The following VWA3B variants were observed in gnomAD, a reference collection of about 807,000 sequenced individuals.
VWA3B encodes von Willebrand factor A domain containing 3B, also known as von Willebrand factor A domain-containing protein 3B.
In VWA3B, 138 loss-of-function variants were observed where a neutral mutation model predicts 158.3. The observed-to-expected ratio is 0.87, with a 90% confidence interval of 0.76 to 1.00. The LOEUF is 1.00. VWA3B is among the 50% of genes least tolerant of loss of function. VWA3B has a pLI of 0.00. For synonymous variants in VWA3B, 596 were observed against 587.3 expected, an observed-to-expected ratio of 1.01 and a Z score of -0.21; for missense variants, 1,555 against 1,565.1, an observed-to-expected ratio of 0.99 and a Z score of 0.11.
At chr2:98,241,863 T>G (rs1383743342) in intron 19 of VWA3B, among the ~76,000 whole-genome samples, 1 of 152,160 alleles carries the variant, frequency 6.6e-6, no homozygotes, top group Non-Finnish European at 1.5e-5. Flanking sequence ...AGGCATATAC[T>G]GCAGTGATCT....
intron 26 of VWA3B, among the ~76,000 whole-genome samples, chr2:98,305,087 C>T (rs528795980): frequency 2.6e-5 from 4 of 152,234 alleles, no homozygotes; most frequent in East Asian, 1.9e-4. Context: ...GCTCCAGAGT[C>T]GCTTTGGACG....
chr2:98,310,744 G>T (rs890353875), intron 26 of VWA3B, among the ~76,000 whole-genome samples: 2 of 152,148 alleles, frequency 1.3e-5, no homozygotes, highest in African/African-American at 4.8e-5. Flanking sequence ...CCACACAAGC[G>T]CTGGCCTCAG....
In VWA3B at chr2:98,249,808, A is replaced by AAAAC. The variant is rs1308219971; in HGVS notation, c.2674-494_2674-491dup. Among the ~76,000 whole-genome samples, 8 of 152,314 alleles carry AAAAC rather than the reference A, an allele frequency of 5.3e-5. 1 individual carries two copies. The highest frequency in any genetic ancestry group is 4.1e-4 in the South Asian group (2 of 4,832). ...GCTACAAGAGTAAAACTCCATCTCAAAAACAAACAAACAAACAAAAAAAGG... is the reference window on the plus strand; with the variant it reads ...GCTACAAGAGTAAAACTCCATCTCAAAAACAAACAAACAAACAAACAAAAAAAGG... On this transcript the variant is annotated intron_variant, in intron 19 of 27. Coordinates refer to ENST00000477737, the MANE Select transcript of VWA3B (RefSeq NM_144992.5).
intron 22 of VWA3B, among the ~76,000 whole-genome samples, chr2:98,284,388 G>A (rs1310081006): frequency 1.3e-5 from 2 of 152,136 alleles, no homozygotes; most frequent in Admixed American, 1.3e-4. Flanking sequence ...AGTCATATCA[G>A]GGCACCATGG....
At chr2:98,143,806 A>C (rs189707602) in intron 7 of VWA3B, among the ~76,000 whole-genome samples, 1 of 144,214 alleles carries the variant, frequency 6.9e-6, no homozygotes, top group East Asian at 2.0e-4. Flanking sequence ...ACTGGAGTGC[A>C]GTGGCACCAT....
At chr2:98,135,325 C>CTTTTTT (rs397873615) in intron 7 of VWA3B, among the ~76,000 whole-genome samples, 5 of 96,420 alleles carry the variant, frequency 5.2e-5, no homozygotes, top group African/African-American at 1.7e-4. Context: ...AAACATTTTT[C>CTTTTTT]TTTTTTTTTT....
At chr2:98,303,270 G>A (rs1403445793) in intron 25 of VWA3B, among the ~76,000 whole-genome samples, 1 of 151,948 alleles carries the variant, frequency 6.6e-6, no homozygotes, top group Non-Finnish European at 1.5e-5. Context: ...GGCGGGGGGT[G>A]GAGGTGGGTG....
At chr2:98,254,621 T>C (rs1686996862) in intron 20 of VWA3B, among the ~76,000 whole-genome samples, 1 of 152,204 alleles carries the variant, frequency 6.6e-6, no homozygotes, top group Non-Finnish European at 1.5e-5. Flanking sequence ...AGAGCACATT[T>C]ACCTGGATCA....
chr2:98,312,055 A>G (rs766337104), intron 27 of VWA3B, 23 bp downstream of exon 27: 3 of 1,591,936 alleles, frequency 1.9e-6, no homozygotes, highest in Non-Finnish European at 2.6e-6. Flanking sequence ...GGGGGGGAAC[A>G]CAACATCGCT....
chr2:98,241,035 G>A (rs1234149164), intron 19 of VWA3B, among the ~76,000 whole-genome samples: 3 of 152,152 alleles, frequency 2.0e-5, no homozygotes, highest in Admixed American at 6.5e-5. Context: ...CAATGAAAAT[G>A]AGAGAAGTTC....
intron 8 of VWA3B, among the ~76,000 whole-genome samples, chr2:98,168,236 T>A (rs1679262966): frequency 6.6e-6 from 1 of 152,202 alleles, no homozygotes; most frequent in African/African-American, 2.4e-5. Context: ...ATACGAGGCA[T>A]ATTTAAGTTT....
chr2:98,126,528 G>A (rs1382671606), intron 5 of VWA3B, among the ~76,000 whole-genome samples: 4 of 152,182 alleles, frequency 2.6e-5, no homozygotes, highest in South Asian at 2.1e-4. Context: ...AGTGGAAGCC[G>A]TTTAAATGTG....
chr2:98,318,365 A>G, the VWA3B span, among the ~76,000 whole-genome samples: 1 of 152,252 alleles, frequency 6.6e-6, no homozygotes, highest in Admixed American at 6.5e-5. Flanking sequence ...TATGGTACAT[A>G]TACACCATGG....
chr2:98,291,565 A>G (rs1329922198), intron 23 of VWA3B: 1 of 152,238 alleles, frequency 6.6e-6, no homozygotes, highest in East Asian at 1.9e-4. Flanking sequence ...CCTGAGGGCA[A>G]TGAGAGCCAC....
the VWA3B span, among the ~76,000 whole-genome samples, chr2:98,330,531 G>A: frequency 6.6e-6 from 1 of 152,142 alleles, no homozygotes; most frequent in African/African-American, 2.4e-5. Flanking sequence ...TTTGCTCCCT[G>A]GGCACTGATC....
chr2:98,306,416 G>A (rs1242900467), intron 26 of VWA3B, among the ~76,000 whole-genome samples: 2 of 152,038 alleles, frequency 1.3e-5, no homozygotes, highest in South Asian at 2.1e-4. Context: ...GATGCCCAGC[G>A]ATGCTCCTCA....
At chr2:98,301,693 G>A (rs1487466316) in intron 25 of VWA3B, among the ~76,000 whole-genome samples, 1 of 152,146 alleles carries the variant, frequency 6.6e-6, no homozygotes, top group Non-Finnish European at 1.5e-5. Flanking sequence ...TTTGTTAAGG[G>A]TCTGTATTGT....
intron 8 of VWA3B, among the ~76,000 whole-genome samples, chr2:98,175,022 A>G (rs1679889327): frequency 6.6e-6 from 1 of 152,234 alleles, no homozygotes; most frequent in African/African-American, 2.4e-5. Flanking sequence ...CAACCACCAA[A>G]TCACAACAAA....
intron 19 of VWA3B, among the ~76,000 whole-genome samples, chr2:98,249,194 C>T (rs1686634024): frequency 6.6e-6 from 1 of 151,932 alleles, no homozygotes; most frequent in East Asian, 1.9e-4. Flanking sequence ...ATGGAATATA[C>T]CTTTTTGGGA....
Sources: gnomAD v4.1 joint callset for allele counts (sites outside exome capture counted in the v4.1 genomes callset) on GRCh38, gnomAD v4.1.1 for gene constraint, MANE v1.5 for transcripts, NCBI Gene and HGNC (gene_info 2026-07-23, HGNC 2026-07-21) for gene names.